Variants in RAP1GAP2 observed in about 807,000 individuals in gnomAD.
RAP1GAP2 encodes the protein RAP1 GTPase activating protein 2, also known as rap1 GTPase-activating protein 2.
Under a neutral mutation model 95.0 loss-of-function variants are expected in RAP1GAP2, and 27 were observed. That is an observed-to-expected ratio of 0.28 (90% CI 0.21 to 0.39). RAP1GAP2 has a LOEUF of 0.39. Among genes scored for constraint, RAP1GAP2 ranks in the 10% least tolerant of loss-of-function variants. RAP1GAP2 has a pLI of 1.00. For synonymous variants in RAP1GAP2, 373 were observed against 380.9 expected (o/e 0.98, Z 0.24); for missense variants, 771 against 970.0 (o/e 0.79, Z 2.72).
intron 8 of RAP1GAP2, among the ~76,000 whole-genome samples, chr17:2,972,260 C>A (rs1407616735): frequency 6.6e-6 from 1 of 151,824 alleles, no homozygotes; most frequent in African/African-American, 2.4e-5. Context: ...TTTAAAGGAG[C>A]AGATTTTATG....
chr17:2,796,543 C>G lies in RAP1GAP2; in HGVS notation c.16C>G (p.Arg6Gly). ...AGCCACAACCATGTTTGGCCGGAAG[C>G]GCAGTGTCTCCTTTGGGGGCTTCGG... MFGRK[R>G]SVSFGGFGWI... The change falls in exon 1 of 25, where the codon CGC becomes GGC. Residue 6 changes from arginine to glycine, a missense_variant. Physicochemically the swap from Arg to Gly is moderately radical, Grantham distance 125. Coordinates refer to ENST00000254695, the MANE Select transcript of RAP1GAP2 (RefSeq NM_015085.5). The surrounding 1 kb of genome is among the most constrained non-coding windows in gnomAD (Gnocchi z 4.7). 1 of 1,564,302 alleles carries G rather than the reference C, an allele frequency of 6.4e-7. No individual in the cohort carries two copies. Among genetic ancestry groups the G allele is most frequent in the Non-Finnish European group, 8.7e-7 (1 of 1,154,328 alleles).
intron 8 of RAP1GAP2, among the ~76,000 whole-genome samples, chr17:2,978,859 C>T (rs952329411): frequency 1.1e-4 from 16 of 152,014 alleles, no homozygotes; most frequent in Admixed American, 2.6e-4. Context: ...CTCTTGAAAC[C>T]GGGAGGCGGA....
intron 14 of RAP1GAP2, among the ~76,000 whole-genome samples, chr17:3,001,850 C>T (rs2046170807): frequency 6.6e-6 from 1 of 152,192 alleles, no homozygotes; most frequent in African/African-American, 2.4e-5. Flanking sequence ...ACCAGCTTCT[C>T]CACTTTCCCG....
At chr17:2,927,362 C>A (rs1057043782) in intron 3 of RAP1GAP2, among the ~76,000 whole-genome samples, 3 of 151,536 alleles carry the variant, frequency 2.0e-5, no homozygotes, top group Non-Finnish European at 2.9e-5. Flanking sequence ...ACCGTGTTAG[C>A]CAGGATGGTC....
rs139849786 is a variant in RAP1GAP2 at position 2,947,469 on chromosome 17, G to A, written c.166-10290G>A. ...ACAAGCCCGCCCTGGCCACTCCCAGGCCAAGACTCAGCCCTCACCGCTTGC... is the reference window on the plus strand; with the variant it reads ...ACAAGCCCGCCCTGGCCACTCCCAGACCAAGACTCAGCCCTCACCGCTTGC... On this transcript the variant is annotated intron_variant, in intron 3 of 24. Transcript: ENST00000254695. Among the ~76,000 whole-genome samples the A allele has an allele frequency of 7.3e-3, 1,117 of 152,256 alleles. 16 individuals carry two copies. Among genetic ancestry groups the A allele is most frequent in the African/African-American group, 0.026 (1,061 of 41,558 alleles).
At chr17:2,882,153 G>A (rs1164055140) in intron 2 of RAP1GAP2, among the ~76,000 whole-genome samples, 2 of 134,184 alleles carry the variant, frequency 1.5e-5, no homozygotes, top group South Asian at 4.7e-4. Context: ...TTGAGATGTA[G>A]TCTCACTCTT....
At chr17:2,771,467 C>T (rs2068392206) in intron 2 of RAP1GAP2, among the ~76,000 whole-genome samples, 1 of 148,788 alleles carries the variant, frequency 6.7e-6, no homozygotes, top group Non-Finnish European at 1.5e-5. Flanking sequence ...TCCACTTTCC[C>T]CATCAAAGCC....
intron 2 of RAP1GAP2, among the ~76,000 whole-genome samples, chr17:2,810,679 C>T (rs931715408): frequency 5.3e-5 from 8 of 151,788 alleles, no homozygotes; most frequent in Non-Finnish European, 1.2e-4. Context: ...TACAGGCATG[C>T]GCCACCACAC....
At chr17:2,996,493 G>T (rs1001345558) in intron 13 of RAP1GAP2, among the ~76,000 whole-genome samples, 1 of 152,106 alleles carries the variant, frequency 6.6e-6, no homozygotes, top group African/African-American at 2.4e-5. Context: ...TAGGAAAGAA[G>T]GAAATTGGCA....
intron 2 of RAP1GAP2, among the ~76,000 whole-genome samples, chr17:2,884,578 T>C (rs897902720): frequency 1.1e-4 from 17 of 152,070 alleles, no homozygotes; most frequent in Admixed American, 6.6e-4. Context: ...TTCACCATGT[T>C]GCCCAGGCTG....
rs188640004 is a variant in RAP1GAP2, at chr17:2,967,171, A to G, written c.596+1528A>G. Among the ~76,000 whole-genome samples, 316 of 152,228 alleles carry G rather than the reference A, an allele frequency of 2.1e-3. 1 individual carries two copies. Among genetic ancestry groups the G allele is most frequent in the African/African-American group, 6.5e-3 (268 of 41,538 alleles). On this transcript the variant is annotated intron_variant, in intron 8 of 24. Transcript: ENST00000254695. Reference sequence around the variant, plus strand: ...ATCACGAGGTCAGGAGATCGAGACCATCCTGGCTAACACGGTGAAACCCCG... The same window carrying G: ...ATCACGAGGTCAGGAGATCGAGACCGTCCTGGCTAACACGGTGAAACCCCG...
At chr17:2,809,885 C>T (rs936746185) in intron 2 of RAP1GAP2, among the ~76,000 whole-genome samples, 4 of 152,156 alleles carry the variant, frequency 2.6e-5, no homozygotes, top group African/African-American at 7.2e-5. Flanking sequence ...ACAGAGACGA[C>T]GCTGGTGTCT....
At chr17:2,976,837 G>T (rs2045140333) in intron 8 of RAP1GAP2, among the ~76,000 whole-genome samples, 1 of 151,974 alleles carries the variant, frequency 6.6e-6, no homozygotes, top group African/African-American at 2.4e-5. Context: ...GGGAAAACAA[G>T]GAAAAGATAC....
At chr17:2,840,230 C>T (rs976093208) in intron 2 of RAP1GAP2, among the ~76,000 whole-genome samples, 8 of 151,806 alleles carry the variant, frequency 5.3e-5, no homozygotes, top group African/African-American at 1.9e-4. Context: ...GTGGCGCGAT[C>T]TCGGTTCACT....
intron 3 of RAP1GAP2, among the ~76,000 whole-genome samples, chr17:2,918,093 C>G (rs28729080): frequency 0.13 from 19,782 of 152,032 alleles, 2,209 homozygotes; most frequent in East Asian, 0.3. Flanking sequence ...TGTATTAGCC[C>G]TGTCTCCCAT....
At chr17:2,808,389 G>A (rs913679200) in intron 2 of RAP1GAP2, among the ~76,000 whole-genome samples, 5 of 152,114 alleles carry the variant, frequency 3.3e-5, no homozygotes, top group South Asian at 4.1e-4. Context: ...CAGTTTGGGC[G>A]GGGAAGGAGG....
chr17:2,882,498 G>T (rs2073343878), intron 2 of RAP1GAP2, among the ~76,000 whole-genome samples: 1 of 151,450 alleles, frequency 6.6e-6, no homozygotes, highest in Non-Finnish European at 1.5e-5. Context: ...CGCCACGTTG[G>T]CCAGGCTGGT....
chr17:3,036,986 C>A lies in RAP1GAP2; in HGVS notation c.*3625C>A, dbSNP rs1003466179. ...CCAGGCCAGTCAGCCATGCTCAGGA[C>A]CCCTCGGCTCCTCCCCCAGCCTCTA... On this transcript the variant is annotated 3_prime_UTR_variant, in exon 25 of 25. Transcript: ENST00000254695. The A allele has an allele frequency of 1.3e-5, 2 of 152,778 alleles. No individual in the cohort carries two copies. The highest frequency in any genetic ancestry group is 4.8e-5 in the African/African-American group (2 of 41,440). 9.5% of individuals were successfully genotyped at this position (152,778 alleles called of 1,614,324 possible).
chr17:2,861,654 G>C (rs931539122), intron 2 of RAP1GAP2, among the ~76,000 whole-genome samples: 8 of 150,868 alleles, frequency 5.3e-5, no homozygotes, highest in Non-Finnish European at 1.0e-4. Flanking sequence ...TTTTTTTGGG[G>C]GGGGGGACGG....
Sources: gnomAD v4.1 joint callset for allele counts (sites outside exome capture counted in the v4.1 genomes callset) on GRCh38, gnomAD v4.1.1 for gene constraint, Gnocchi (gnomAD v3.1) non-coding constraint, MANE v1.5 for transcripts, NCBI Gene and HGNC (gene_info 2026-07-23, HGNC 2026-07-21) for gene names.